Variants in HEXA observed in about 807,000 individuals in gnomAD.
The protein encoded by HEXA is hexosaminidase subunit alpha.
A neutral mutation model predicts 73.3 loss-of-function variants in HEXA; 54 were observed. That is an observed-to-expected ratio of 0.74 (90% confidence interval 0.59 to 0.92). The LOEUF (loss-of-function observed/expected upper bound fraction) is 0.92. Among genes scored for constraint, HEXA ranks in the 40% least tolerant of loss-of-function variants. The pLI is 0.00. For missense variants in HEXA, 649 were observed against 653.0 expected (o/e 0.99, Z 0.07); for synonymous variants, 230 against 246.9 (o/e 0.93, Z 0.64).
chr15:72,343,730 A>G lies in HEXA; in HGVS notation c.*347T>C, dbSNP rs1448710428. The stretch of plus-strand genomic sequence containing the variant: ...TGGTCAGGAGTGGGAGGGGAGTGAC[A>G]TAGCTCACAGGCAAGGCAGAACAGC... On this transcript the variant is annotated 3_prime_UTR_variant, in exon 14 of 14. Coordinates refer to ENST00000268097, the MANE Select transcript of HEXA (RefSeq NM_000520.6). The G allele has an allele frequency of 2.6e-5, 9 of 340,452 alleles. No homozygotes were observed. The East Asian group carries it at 6.5e-4, about 25-fold the overall frequency. The allele number at this position is 340,452 out of a possible 1,614,324, so 21.1% of individuals were successfully genotyped here. A position where few individuals can be genotyped will look rare whatever the true frequency, so the allele number is the denominator to read the frequency against.
intron 1 of HEXA, among the ~76,000 whole-genome samples, chr15:72,365,027 T>A (rs948753225): frequency 6.6e-6 from 1 of 152,138 alleles, no homozygotes. Context: ...GGTCTCACTA[T>A]GCTGCCCAGG....
Position 72,375,915 on chromosome 15 carries a change from C to T in HEXA, c.58G>A (p.Ala20Thr). 6.2e-7 allele frequency: 1 copy of T among 1,614,194 alleles called. No individual in the cohort carries two copies. The highest frequency in any genetic ancestry group is 8.5e-7 in the Non-Finnish European group (1 of 1,180,044). Residue 20 changes from alanine (A) to threonine (T), a missense_variant, in exon 1 of 14, where the codon GCG becomes ACG. Transcript: ENST00000268097. ...LLLAAAFAGR[A>T]TALWPWPQNF... The stretch of plus-strand genomic sequence containing the variant: ...TGAGGCCAGGGCCAGAGGGCCGTCG[C>T]CCGTCCTGCGAACGCTGCCGCCAGC...
rs759434633 is a variant in HEXA at position 72,347,718 on chromosome 15, C to A, written c.1114G>T (p.Val372Leu). ...IVSSYGKGYVVWQEVFDNKVK... is the reference protein window; with the variant it reads ...IVSSYGKGYVLWQEVFDNKVK... ...TTATTATCAAACACCTCCTGCCACA[C>A]CACATAGCCCTTGCCATAAGAAGAG... is the stretch of plus-strand genomic sequence containing the variant. Residue 372 changes from valine (V) to leucine (L), a missense_variant, in exon 10 of 14, where the codon GTG (valine) becomes TTG (leucine). Coordinates refer to ENST00000268097, the MANE Select transcript of HEXA (RefSeq NM_000520.6). 18 of 1,614,216 alleles carry A rather than the reference C, an allele frequency of 1.1e-5. No homozygotes were observed. In the South Asian group the frequency reaches 1.6e-4, roughly 15 times the overall value.
chr15:72,356,681 A>G, intron 1 of HEXA, 64 bp from the exon 2 acceptor site: 1 of 1,606,376 alleles, frequency 6.2e-7, no homozygotes, highest in South Asian at 1.1e-5. Context: ...CAAAACCAAG[A>G]CCCTAGCTCT....
At position 72,343,768 on chromosome 15, in the gene HEXA, G is replaced by C. The variant is rs1415288026; in HGVS notation, c.*309C>G. The stretch of plus-strand genomic sequence containing the variant: ...AAGGCAGAACAGCACAAAGGCTATA[G>C]GTTTCATTCCCAGCCCTCAACTTAA... On this transcript the variant is annotated 3_prime_UTR_variant, in exon 14 of 14. Coordinates refer to ENST00000268097, the MANE Select transcript of HEXA (RefSeq NM_000520.6). 5.1e-6 allele frequency: 2 copies of C among 388,368 alleles called. No homozygotes were observed. Among genetic ancestry groups the C allele is most frequent in the Admixed American group, 3.6e-5 (1 of 27,454 alleles). The allele number at this position is 388,368 out of a possible 1,614,324, so 24.1% of individuals were successfully genotyped here. A position where few individuals can be genotyped will look rare whatever the true frequency, so the allele number is the denominator to read the frequency against.
chr15:72,374,025 AG>A (rs1444770687), intron 1 of HEXA, among the ~76,000 whole-genome samples: 1,641 of 151,490 alleles, frequency 0.011, 22 homozygotes, highest in African/African-American at 0.037. Flanking sequence ...AAAAAAAAAA[AG>A]GAAAGGAATT....
At chr15:72,365,387 C>T (rs147549330) in intron 1 of HEXA, among the ~76,000 whole-genome samples, 1,634 of 152,358 alleles carry the variant, frequency 0.011, 31 homozygotes, top group African/African-American at 0.037. Context: ...GCGTGAGCCA[C>T]GGCACCCAGC....
At chr15:72,356,825 A>T in intron 1 of HEXA, 1 of 707,446 alleles carries the variant, frequency 1.4e-6, no homozygotes, top group Non-Finnish European at 2.5e-6. Context: ...AGCTGCCCTG[A>T]CCCATGTCTG....
Position 72,346,542 on chromosome 15 carries a change from G to A in HEXA, c.1315C>T (p.Pro439Ser). 1 of 1,613,922 alleles carries A rather than the reference G, an allele frequency of 6.2e-7. No individual in the cohort carries two copies. Among genetic ancestry groups the A allele is most frequent in the Non-Finnish European group, 8.5e-7 (1 of 1,179,842 alleles). The change falls in exon 11 of 14, where the codon CCC (proline) becomes TCC (serine). Residue 439 changes from proline (P) to serine (S), a missense_variant. Physicochemically the swap from Pro to Ser is moderately conservative, Grantham distance 74 (BLOSUM62 -1). Coordinates refer to ENST00000268097, the MANE Select transcript of HEXA (RefSeq NM_000520.6). ...CTGCTTTCACCTTCAAATGCCAGGGGTTCCACTATGTAGAAATCCTTCCAG... is the reference window on the plus strand; with the variant it reads ...CTGCTTTCACCTTCAAATGCCAGGGATTCCACTATGTAGAAATCCTTCCAG... ...PDWKDFYIVE[P>S]LAFEGTPEQK...
intron 5 of HEXA, among the ~76,000 whole-genome samples, chr15:72,352,173 G>A (rs2088707338): frequency 6.6e-6 from 1 of 152,118 alleles, no homozygotes; most frequent in South Asian, 2.1e-4. Flanking sequence ...GGCCAGGTTA[G>A]TCTCAAACTC....
chr15:72,344,231 C>T, intron 13 of HEXA, 91 bp from the exon 14 acceptor site: 1 of 866,412 alleles, frequency 1.2e-6, no homozygotes, highest in Non-Finnish European at 1.9e-6. Context: ...TCTCCTTCCC[C>T]ATTTCGGTGA....
chr15:72,364,410 A>G (rs2088890440), intron 1 of HEXA, among the ~76,000 whole-genome samples: 1 of 152,218 alleles, frequency 6.6e-6, no homozygotes, highest in Non-Finnish European at 1.5e-5. Context: ...CCTTCTTGTA[A>G]ATGTTGAATA....
chr15:72,375,592 A>G, intron 1 of HEXA, 128 bp downstream of exon 1: 2 of 956,462 alleles, frequency 2.1e-6, no homozygotes, highest in Non-Finnish European at 3.2e-6. Context: ...CAGCTCGAGG[A>G]GGAAGTGGAG....
chr15:72,343,742 C>A lies in HEXA; in HGVS notation c.*335G>T. The A allele has an allele frequency of 5.8e-6, 2 of 347,150 alleles. No individual in the cohort carries two copies. Among genetic ancestry groups the A allele is most frequent in the Non-Finnish European group, 1.1e-5 (2 of 177,412 alleles). 21.5% of individuals were successfully genotyped at this position (347,150 alleles called of 1,614,324 possible). The stretch of plus-strand genomic sequence containing the variant: ...GGAGGGGAGTGACATAGCTCACAGG[C>A]AAGGCAGAACAGCACAAAGGCTATA... On this transcript the variant is annotated 3_prime_UTR_variant, in exon 14 of 14. Transcript: ENST00000268097.
intron 1 of HEXA, among the ~76,000 whole-genome samples, chr15:72,368,958 A>G (rs2088952003): frequency 6.6e-6 from 1 of 152,234 alleles, no homozygotes; most frequent in South Asian, 2.1e-4. Flanking sequence ...GAGCTTTACA[A>G]AAGAAGGGGA....
intron 5 of HEXA, 67 bp downstream of exon 5, chr15:72,353,001 T>G (rs2088720465): frequency 3.2e-6 from 3 of 951,820 alleles, no homozygotes; most frequent in Admixed American, 1.8e-5. Context: ...AATTTGGAAC[T>G]TGGTCTGTCC....
At chr15:72,371,676 G>A (rs1194217054) in intron 1 of HEXA, among the ~76,000 whole-genome samples, 3 of 150,824 alleles carry the variant, frequency 2.0e-5, no homozygotes, top group Non-Finnish European at 2.9e-5. Context: ...GCTCTTTAAC[G>A]TTAATATATT....
Position 72,350,182 on chromosome 15 carries a change from A to G in HEXA, c.805+336T>C, listed in dbSNP as rs1396726443. The G allele has an allele frequency of 1.0e-5, 4 of 384,826 alleles. No homozygotes were observed. In the East Asian group the frequency reaches 1.9e-4, roughly 18 times the overall value. The allele number at this position is 384,826 out of a possible 1,614,324, so 23.8% of individuals were successfully genotyped here. On this transcript the variant is annotated intron_variant, in intron 7 of 13. Transcript: ENST00000268097. ...AGAAAGGGAGCAGGGGTACTGACTGACTCTGACCTCTGCAGGCTGCCCTTG... is the reference window on the plus strand; with the variant it reads ...AGAAAGGGAGCAGGGGTACTGACTGGCTCTGACCTCTGCAGGCTGCCCTTG...
intron 1 of HEXA, among the ~76,000 whole-genome samples, chr15:72,364,704 A>G (rs1180649650): frequency 6.6e-6 from 1 of 151,988 alleles, no homozygotes; most frequent in Non-Finnish European, 1.5e-5. Context: ...CCATCTCTCC[A>G]CATCTTTCCA....
Sources: allele counts gnomAD v4.1 joint callset (sites outside exome capture counted in the v4.1 genomes callset), GRCh38; gene constraint gnomAD v4.1.1; transcripts MANE v1.5; gene names NCBI Gene and HGNC (gene_info 2026-07-23, HGNC 2026-07-21).